The following PRMT8 variants were observed in gnomAD, a reference collection of about 807,000 sequenced individuals.
PRMT8 encodes the protein protein arginine methyltransferase 8, also known as protein arginine N-methyltransferase 8.
Under a neutral mutation model 47.1 loss-of-function variants are expected in PRMT8, and 7 were observed. The observed-to-expected ratio is 0.15, with a 90% CI of 0.08 to 0.28. The LOEUF is 0.28. PRMT8 is among the 10% of genes least tolerant of loss of function. The pLI, the probability that PRMT8 is intolerant of heterozygous loss-of-function variation, is 1.00. For missense variants in PRMT8, 237 were observed against 505.4 expected (o/e 0.47, Z 5.09); for synonymous variants, 188 against 186.5 (o/e 1.01, Z -0.07).
At position 3,492,541 on chromosome 12, in the gene PRMT8, T is replaced by TC. The variant is rs1480476274; in HGVS notation, c.75+842dup. Among the ~76,000 whole-genome samples the TC allele has an allele frequency of 1.2e-4, 18 of 152,204 alleles. No homozygotes were observed. The highest frequency in any genetic ancestry group is 2.5e-4 in the Non-Finnish European group (17 of 68,020). On this transcript the variant is annotated intron_variant, in intron 1 of 9. Coordinates refer to ENST00000382622, the MANE Select transcript of PRMT8 (RefSeq NM_019854.5). The surrounding 1 kb of genome is among the most constrained non-coding windows in gnomAD (Gnocchi z 7.5). Reference sequence around the variant, plus strand: ...CAAATTGTGTTCTCGGCCCCCGCCTTCGGCAGCCTTTTTCTCTACTCTCCA... The same window carrying TC: ...CAAATTGTGTTCTCGGCCCCCGCCTTCCGGCAGCCTTTTTCTCTACTCTCCA...
chr12:3,515,829 C>G (rs1865784039), intron 1 of PRMT8, among the ~76,000 whole-genome samples: 1 of 152,238 alleles, frequency 6.6e-6, no homozygotes, highest in Non-Finnish European at 1.5e-5. Flanking sequence ...GCTGGCAGTT[C>G]CTATTTCCCA....
chr12:3,490,578 C>T (rs1038664367), upstream of PRMT8, among the ~76,000 whole-genome samples: 4 of 149,310 alleles, frequency 2.7e-5, no homozygotes, highest in Non-Finnish European at 5.9e-5. Flanking sequence ...TCGCATTTGA[C>T]TTTCTCCCAC....
At chr12:3,420,848 A>G (rs10774146) in intron 1 of PRMT8, among the ~76,000 whole-genome samples, 101,960 of 152,156 alleles carry the variant, frequency 0.67, 37,902 homozygotes, top group East Asian at 0.93. Context: ...ACCTACTCAC[A>G]GGGCAGTGAG....
intron 1 of PRMT8, among the ~76,000 whole-genome samples, chr12:3,454,920 C>T (rs967116813): frequency 6.6e-6 from 1 of 152,176 alleles, no homozygotes; most frequent in Non-Finnish European, 1.5e-5. Context: ...GAAATTACCA[C>T]GTCAGCTGGT....
chr12:3,403,981 T>G, intron 1 of PRMT8, among the ~76,000 whole-genome samples: 1 of 151,974 alleles, frequency 6.6e-6, no homozygotes, highest in Non-Finnish European at 1.5e-5. Flanking sequence ...TTTTTAAACT[T>G]AAAAATATGA....
chr12:3,482,011 A>G (rs1366036369), intron 1 of PRMT8, among the ~76,000 whole-genome samples: 1 of 152,214 alleles, frequency 6.6e-6, no homozygotes, highest in East Asian at 1.9e-4. Flanking sequence ...CTGTTATCCA[A>G]TCGGGGAAAG....
In PRMT8 at chr12:3,572,913, A is replaced by G. The variant is rs1866875504; in HGVS notation, c.712+3349A>G. ...ATTTTCTTTCCTCAGACTGTTTTTG[A>G]GATTTCTGTCTTTATTGATTTTCTG... On this transcript the variant is annotated intron_variant, in intron 6 of 9. Coordinates refer to ENST00000382622, the MANE Select transcript of PRMT8 (RefSeq NM_019854.5). The surrounding 1 kb of genome is among the most constrained non-coding windows in gnomAD (Gnocchi z 5.9). Among the ~76,000 whole-genome samples, 1 of 151,804 alleles carries G rather than the reference A, an allele frequency of 6.6e-6. No homozygotes were observed. The highest frequency in any genetic ancestry group is 1.5e-5 in the Non-Finnish European group (1 of 67,976).
chr12:3,540,613 G>GGCCCCCCGCCC lies in PRMT8; in HGVS notation c.83_84insGCCCCCCGCCC (p.Ser28ArgfsTer42). 8.8e-7 allele frequency: 1 copy of GGCCCCCCGCCC among 1,130,522 alleles called. No individual in the cohort carries two copies. Among genetic ancestry groups the GGCCCCCCGCCC allele is most frequent in the Non-Finnish European group, 1.3e-6 (1 of 752,492 alleles). The allele number at this position is 1,130,522 out of a possible 1,614,324, so 70.0% of individuals were successfully genotyped here. On this transcript the variant is annotated frameshift_variant, in exon 2 of 10. Coordinates refer to ENST00000382622, the MANE Select transcript of PRMT8 (RefSeq NM_019854.5). LOFTEE classifies it high-confidence loss of function. ...CCCTTCTCTTCCCCTCAGGTGAACA[G>GGCCCCCCGCCC]CCCCCCCTCCCAGCCCCCCCAGCCC... is the stretch of plus-strand genomic sequence containing the variant.
At position 3,514,222 on chromosome 12, in the gene PRMT8, T is replaced by C. The variant is rs2137133039; in HGVS notation, c.75+22522T>C. 6.6e-6 allele frequency among the ~76,000 whole-genome samples: 1 copy of C among 152,188 alleles called. No individual in the cohort carries two copies. The highest frequency in any genetic ancestry group is 2.4e-5 in the African/African-American group (1 of 41,522). ...TGAATTCATCCTGCCTTTTTTTTTT[T>C]TTTCTGTTACCCCTAAGGTGCTCTT... On this transcript the variant is annotated intron_variant, in intron 1 of 9. Transcript: ENST00000382622. The surrounding 1 kb of genome is among the most constrained non-coding windows in gnomAD (Gnocchi z 5.9).
intron 1 of PRMT8, among the ~76,000 whole-genome samples, chr12:3,460,517 G>T (rs1393443916): frequency 6.6e-6 from 1 of 152,164 alleles, no homozygotes; most frequent in Non-Finnish European, 1.5e-5. Flanking sequence ...CTGTTCATAG[G>T]CAATGATGAA....
chr12:3,442,076 T>A (rs1260573475), intron 1 of PRMT8, among the ~76,000 whole-genome samples: 1 of 152,016 alleles, frequency 6.6e-6, no homozygotes, highest in Non-Finnish European at 1.5e-5. Flanking sequence ...AAGAGGAAAA[T>A]GCATAGCACC....
intron 1 of PRMT8, among the ~76,000 whole-genome samples, chr12:3,414,295 C>A (rs1864462495): frequency 6.6e-6 from 1 of 152,202 alleles, no homozygotes; most frequent in African/African-American, 2.4e-5. Flanking sequence ...TCTCACCGCA[C>A]TTCTGACTCC....
rs1366102419 is a variant in PRMT8, at chr12:3,580,327, G to A, written c.829-2731G>A. On this transcript the variant is annotated intron_variant, in intron 7 of 9. Coordinates refer to ENST00000382622, the MANE Select transcript of PRMT8 (RefSeq NM_019854.5). This position sits in a 1 kb window ranked among gnomAD's most constrained non-coding sequence, Gnocchi z 4.6. ...GAGGTGGAATTCCTGCCAGATGGGG[G>A]GTGCGTGTGCGTGTGTGTGTGTGTG... 2.3e-5 allele frequency among the ~76,000 whole-genome samples: 3 copies of A among 131,976 alleles called. No homozygotes were observed. Among genetic ancestry groups the A allele is most frequent in the African/African-American group, 8.7e-5 (3 of 34,440 alleles). The allele number at this position is 131,976 out of a possible 152,430, so 86.6% of individuals were successfully genotyped here. A position where few individuals can be genotyped will look rare whatever the true frequency, so the allele number is the denominator to read the frequency against.
chr12:3,446,773 A>G (rs1864860093), intron 1 of PRMT8, among the ~76,000 whole-genome samples: 1 of 152,154 alleles, frequency 6.6e-6, no homozygotes, highest in Admixed American at 6.5e-5. Context: ...CCATCAGAAA[A>G]TGTTCCCTTT....
At chr12:3,515,526 TA>T (rs542551252) in intron 1 of PRMT8, among the ~76,000 whole-genome samples, 4 of 151,186 alleles carry the variant, frequency 2.6e-5, no homozygotes, top group Non-Finnish European at 5.9e-5. Flanking sequence ...AATAATAAAA[TA>T]AAAAAAAAGA....
chr12:3,526,751 C>T (rs1865954820), intron 1 of PRMT8, among the ~76,000 whole-genome samples: 2 of 152,050 alleles, frequency 1.3e-5, no homozygotes, highest in East Asian at 3.8e-4. Flanking sequence ...ATCTTTTTCT[C>T]AGTGATAGTA....
chr12:3,407,256 C>T (rs532536249), intron 1 of PRMT8, among the ~76,000 whole-genome samples: 19 of 152,260 alleles, frequency 1.2e-4, no homozygotes, highest in African/African-American at 2.6e-4. Context: ...TCCCACAACA[C>T]GTGGGGATTA....
rs1367359618 is a variant in PRMT8, at chr12:3,569,028, C to T, written c.624+180C>T. Among the ~76,000 whole-genome samples, 1 of 152,118 alleles carries T rather than the reference C, an allele frequency of 6.6e-6. No homozygotes were observed. Among genetic ancestry groups the T allele is most frequent in the Non-Finnish European group, 1.5e-5 (1 of 67,956 alleles). Reference sequence around the variant, plus strand: ...AGGGAACAGAATGGTTGCCCCGGGTCCAGCATGTGTAACCATCAGAGTGGA... The same window carrying T: ...AGGGAACAGAATGGTTGCCCCGGGTTCAGCATGTGTAACCATCAGAGTGGA... On this transcript the variant is annotated intron_variant, in intron 5 of 9. Coordinates refer to ENST00000382622, the MANE Select transcript of PRMT8 (RefSeq NM_019854.5). The surrounding 1 kb of genome is among the most constrained non-coding windows in gnomAD (Gnocchi z 8.2).
chr12:3,519,244 A>G (rs774299520), intron 1 of PRMT8, among the ~76,000 whole-genome samples: 9 of 152,182 alleles, frequency 5.9e-5, no homozygotes, highest in Non-Finnish European at 1.2e-4. Context: ...AGAGAGAGAG[A>G]GAAAAAGAAA....
Sources: gnomAD v4.1 joint callset for allele counts (sites outside exome capture counted in the v4.1 genomes callset) on GRCh38, gnomAD v4.1.1 for gene constraint, Gnocchi (gnomAD v3.1) non-coding constraint, MANE v1.5 for transcripts, NCBI Gene and HGNC (gene_info 2026-07-23, HGNC 2026-07-21) for gene names.